The following PCDH15 variants were observed in gnomAD, a reference collection of about 807,000 sequenced individuals.
PCDH15 encodes protocadherin-15.
Under a neutral mutation model 178.5 loss-of-function variants are expected in PCDH15, and 129 were observed. That is an observed-to-expected ratio of 0.72 (90% CI 0.63 to 0.84). The LOEUF is 0.84. Among genes scored for constraint, PCDH15 ranks in the 40% least tolerant of loss-of-function variants. The probability of loss-of-function intolerance (pLI) is 0.00; values close to 1 mark genes in which losing one functional copy is unlikely to be tolerated. For missense variants in PCDH15, 2,230 were observed against 2,099.9 expected (o/e 1.06, Z -1.21); for synonymous variants, 800 against 732.0 (o/e 1.09, Z -1.50).
chr10:54,421,914 A>ATATATATATATAAAC (rs1955538257), intron 3 of PCDH15, among the ~76,000 whole-genome samples: 1 of 20,672 alleles, frequency 4.8e-5, no homozygotes, highest in Non-Finnish European at 1.3e-4. Context: ...TATATACACT[A>ATATATATATATAAAC]TATATATATA....
intron 16 of PCDH15, among the ~76,000 whole-genome samples, chr10:54,082,760 T>TA (rs59138402): frequency 0.067 from 9,068 of 134,780 alleles, 377 homozygotes; most frequent in East Asian, 0.25. Flanking sequence ...TTCGTCAAAA[T>TA]AAAAAAAAAA....
chr10:55,531,009 TTTTG>T (rs111833955), intron 2 of PCDH15, among the ~76,000 whole-genome samples: 13 of 144,358 alleles, frequency 9.0e-5, no homozygotes, highest in African/African-American at 2.7e-4. Context: ...TTAGGGTTGC[TTTTG>T]TTTGTTTGTT....
chr10:54,689,093 T>C (rs1437170316), intron 1 of PCDH15, among the ~76,000 whole-genome samples: 1 of 152,096 alleles, frequency 6.6e-6, no homozygotes, highest in Non-Finnish European at 1.5e-5. Context: ...CTATCTTCTC[T>C]TCACATTCAA....
intron 2 of PCDH15, among the ~76,000 whole-genome samples, chr10:55,049,119 A>G (rs946663069): frequency 1.3e-5 from 2 of 151,962 alleles, no homozygotes; most frequent in Non-Finnish European, 2.9e-5. Context: ...TTTTCAAATG[A>G]AACTCTTAGT....
intron 2 of PCDH15, among the ~76,000 whole-genome samples, chr10:54,898,192 C>A (rs1338576778): frequency 6.6e-6 from 1 of 152,130 alleles, no homozygotes; most frequent in Non-Finnish European, 1.5e-5. Context: ...GCCAATTAAA[C>A]CTCTTTTCTT....
chr10:53,918,956 C>T (rs1021376136), intron 25 of PCDH15, among the ~76,000 whole-genome samples: 2 of 152,136 alleles, frequency 1.3e-5, no homozygotes, highest in African/African-American at 4.8e-5. Context: ...TCTTTTCTAG[C>T]TTCTAGAAGC....
rs931049808 is a variant in PCDH15, at chr10:55,208,103, G to T, written c.-155-41452C>A. ...CAGTATTCTTTTGCTTACTTTCTTG[G>T]CAGAGATGTAAAAACATATTGATTA... On this transcript the variant is annotated intron_variant, in intron 1 of 5. Transcript: ENST00000458638. 3.9e-5 allele frequency among the ~76,000 whole-genome samples: 6 copies of T among 152,048 alleles called. No homozygotes were observed. The East Asian group carries it at 1.2e-3, about 29-fold the overall frequency.
chr10:54,859,221 A>C (rs1034817987), intron 3 of PCDH15, among the ~76,000 whole-genome samples: 3 of 152,076 alleles, frequency 2.0e-5, no homozygotes, highest in African/African-American at 7.2e-5. Flanking sequence ...AATAACTCTC[A>C]TTTATATGTC....
intron 35 of PCDH15, among the ~76,000 whole-genome samples, chr10:53,812,806 C>G (rs1341582888): frequency 6.6e-6 from 1 of 152,056 alleles, no homozygotes; most frequent in East Asian, 1.9e-4. Context: ...AGGATAGGTA[C>G]TCACATGAAA....
intron 20 of PCDH15, among the ~76,000 whole-genome samples, chr10:54,003,723 A>C (rs181731187): frequency 2.9e-4 from 37 of 125,542 alleles, no homozygotes; most frequent in Non-Finnish European, 2.7e-4. Context: ...TACTAATCTT[A>C]CTCAAACTAT....
At chr10:54,198,220 C>A (rs958529282) in intron 10 of PCDH15, among the ~76,000 whole-genome samples, 6 of 152,068 alleles carry the variant, frequency 3.9e-5, no homozygotes, top group African/African-American at 1.4e-4. Flanking sequence ...GATGGATGTT[C>A]TTTTAGGAGT....
At chr10:55,146,089 C>T (rs539640325) in intron 2 of PCDH15, among the ~76,000 whole-genome samples, 2 of 152,064 alleles carry the variant, frequency 1.3e-5, no homozygotes, top group African/African-American at 4.8e-5. Flanking sequence ...GAAAAGTCCG[C>T]TTCTTTTTTG....
chr10:54,424,590 C>T (rs1345472568), intron 3 of PCDH15, among the ~76,000 whole-genome samples: 2 of 149,608 alleles, frequency 1.3e-5, no homozygotes, highest in African/African-American at 5.1e-5. Context: ...TTCACAATAG[C>T]AAAGACTTGG....
At chr10:54,028,454 C>T (rs2093185648) in intron 18 of PCDH15, among the ~76,000 whole-genome samples, 2 of 151,688 alleles carry the variant, frequency 1.3e-5, no homozygotes, top group South Asian at 2.1e-4. Context: ...ACCCAAAGGA[C>T]TAGAAATCAT....
intron 3 of PCDH15, among the ~76,000 whole-genome samples, chr10:54,421,870 C>CAG (rs1554963695): frequency 4.2e-4 from 27 of 64,606 alleles, no homozygotes; most frequent in South Asian, 7.1e-4. Flanking sequence ...TATACACACA[C>CAG]TATATATATA....
intron 3 of PCDH15, among the ~76,000 whole-genome samples, chr10:54,493,467 A>G (rs1397414257): frequency 6.6e-6 from 1 of 150,500 alleles, no homozygotes; most frequent in South Asian, 2.1e-4. Flanking sequence ...AATTTTCTAA[A>G]TTAGAAGAGA....
At chr10:55,321,532 C>T (rs543337470), upstream of PCDH15, among the ~76,000 whole-genome samples, 1 of 152,102 alleles carries the variant, frequency 6.6e-6, no homozygotes, top group South Asian at 2.1e-4. Context: ...ACAAAAAGAC[C>T]ATCCTGAAGA....
chr10:54,175,772 T>C (rs1161483111), intron 13 of PCDH15, among the ~76,000 whole-genome samples: 1 of 152,196 alleles, frequency 6.6e-6, no homozygotes, highest in Non-Finnish European at 1.5e-5. Flanking sequence ...AACAATCATC[T>C]GTCATTATAT....
At chr10:53,977,481 G>A (rs541614756) in intron 21 of PCDH15, among the ~76,000 whole-genome samples, 6 of 152,280 alleles carry the variant, frequency 3.9e-5, no homozygotes, top group East Asian at 1.9e-4. Context: ...TAACACTTAC[G>A]TGTATGTGTA....
Sources: gnomAD v4.1 joint callset for allele counts (sites outside exome capture counted in the v4.1 genomes callset) on GRCh38, gnomAD v4.1.1 for gene constraint, MANE v1.5 for transcripts, NCBI Gene and HGNC (gene_info 2026-07-23, HGNC 2026-07-21) for gene names.